The following CAMK4 variants were observed in gnomAD, a reference collection of about 807,000 sequenced individuals.
The protein encoded by CAMK4 is calcium/calmodulin dependent protein kinase IV, also known as calcium/calmodulin-dependent protein kinase type IV.
CAMK4 carries 22 observed loss-of-function variants against 44.9 expected under a neutral mutation model. That is an observed-to-expected ratio of 0.49 (90% CI 0.35 to 0.70). CAMK4 has a LOEUF of 0.70. CAMK4 is among the 30% of genes least tolerant of loss of function. CAMK4 has a pLI of 0.01. For missense variants in CAMK4, 498 were observed against 586.8 expected (o/e 0.85, Z 1.56); for synonymous variants, 218 against 215.4 (o/e 1.01, Z -0.11).
In CAMK4 at chr5:111,459,686, C is replaced by CTTT. The variant is rs56176713; in HGVS notation, c.625+10507_625+10509dup. On this transcript the variant is annotated intron_variant, in intron 7 of 10. Transcript: ENST00000282356. ...TGTTCTCTTTGAGTTTAGAGACAGT[C>CTTT]TTTTTTTTTTTTTTTTTTTTTTTTT... Among the ~76,000 whole-genome samples the CTTT allele has an allele frequency of 1.8e-3, 153 of 86,684 alleles. 16 individuals carry two copies. The highest frequency in any genetic ancestry group is 6.9e-3 in the African/African-American group (139 of 20,120). The allele number at this position is 86,684 out of a possible 152,430, so 56.9% of individuals were successfully genotyped here.
chr5:111,296,523 AATTTGC>A (rs1331620979), intron 1 of CAMK4, among the ~76,000 whole-genome samples: 1 of 152,222 alleles, frequency 6.6e-6, no homozygotes, highest in Non-Finnish European at 1.5e-5. Context: ...CATTTATTTA[AATTTGC>A]ATTTGCATTC....
chr5:111,262,395 A>G (rs182882894), intron 1 of CAMK4, among the ~76,000 whole-genome samples: 23 of 152,272 alleles, frequency 1.5e-4, no homozygotes, highest in African/African-American at 3.8e-4. Flanking sequence ...AGAGGGTACT[A>G]TCTTTCTTGA....
intron 5 of CAMK4, among the ~76,000 whole-genome samples, chr5:111,432,854 C>T (rs1753507423): frequency 6.6e-6 from 1 of 151,854 alleles, no homozygotes; most frequent in Non-Finnish European, 1.5e-5. Flanking sequence ...TTTTTATAAA[C>T]ATTTGTCAAA....
chr5:111,255,167 A>G (rs947345926), intron 1 of CAMK4, among the ~76,000 whole-genome samples: 2 of 152,148 alleles, frequency 1.3e-5, no homozygotes, highest in Admixed American at 6.5e-5. Flanking sequence ...TGAAGGTCTA[A>G]TTTTGTAGTT....
At chr5:111,462,010 T>C (rs1171954599) in intron 7 of CAMK4, among the ~76,000 whole-genome samples, 1 of 152,116 alleles carries the variant, frequency 6.6e-6, no homozygotes, top group African/African-American at 2.4e-5. Context: ...GTCTGGCCTC[T>C]ACCTGCCTCA....
At chr5:111,384,522 C>G (rs1469734168) in intron 4 of CAMK4, among the ~76,000 whole-genome samples, 1 of 152,180 alleles carries the variant, frequency 6.6e-6, no homozygotes, top group Non-Finnish European at 1.5e-5. Context: ...GTCTACTAGG[C>G]TTCTCACCAA....
At position 111,489,076 on chromosome 5, in the gene CAMK4, G is replaced by A. The variant is rs766691964; in HGVS notation, c.*4610G>A. On this transcript the variant is annotated 3_prime_UTR_variant, in exon 11 of 11. Coordinates refer to ENST00000282356, the MANE Select transcript of CAMK4 (RefSeq NM_001744.6). ...GTTGAACATTGTTTAATGGTTAGATGTTATGTGTGTCTGCATTTAAAAAAA... is the reference window on the plus strand; with the variant it reads ...GTTGAACATTGTTTAATGGTTAGATATTATGTGTGTCTGCATTTAAAAAAA... 18 of 152,154 alleles carry A rather than the reference G, an allele frequency of 1.2e-4. No individual in the cohort carries two copies. The highest frequency in any genetic ancestry group is 2.4e-4 in the Non-Finnish European group (16 of 68,024). The allele number at this position is 152,154 out of a possible 1,614,324, so 9.4% of individuals were successfully genotyped here.
chr5:111,387,351 A>C (rs1238586008), intron 4 of CAMK4, among the ~76,000 whole-genome samples: 1 of 152,186 alleles, frequency 6.6e-6, no homozygotes, highest in African/African-American at 2.4e-5. Context: ...AAATTGTATA[A>C]AGAAATTACG....
At chr5:111,251,444 A>G (rs986051903) in intron 1 of CAMK4, among the ~76,000 whole-genome samples, 2 of 152,184 alleles carry the variant, frequency 1.3e-5, no homozygotes, top group African/African-American at 4.8e-5. Flanking sequence ...GAACCTAAAA[A>G]AACTCCAAGA....
intron 1 of CAMK4, among the ~76,000 whole-genome samples, chr5:111,234,825 G>C (rs1280467332): frequency 6.6e-6 from 1 of 152,200 alleles, no homozygotes; most frequent in African/African-American, 2.4e-5. Flanking sequence ...TAATGGATAG[G>C]ACACGTTCTT....
intron 1 of CAMK4, among the ~76,000 whole-genome samples, chr5:111,314,940 CA>C (rs933336580): frequency 1.7e-4 from 26 of 151,768 alleles, no homozygotes; most frequent in Non-Finnish European, 2.7e-4. Flanking sequence ...GATTTGATAT[CA>C]AAAAAAGTAT....
intron 5 of CAMK4, among the ~76,000 whole-genome samples, chr5:111,435,802 T>A (rs1245974371): frequency 1.3e-5 from 2 of 152,222 alleles, no homozygotes; most frequent in African/African-American, 4.8e-5. Flanking sequence ...TCCTAAATTC[T>A]CACCTTTTCT....
chr5:111,452,005 C>T (rs1378345930), intron 7 of CAMK4, among the ~76,000 whole-genome samples: 2 of 152,208 alleles, frequency 1.3e-5, no homozygotes, highest in Admixed American at 1.3e-4. Context: ...TTCTATGTCT[C>T]CTTGTCCATC....
At chr5:111,277,439 A>G (rs1750815523) in intron 1 of CAMK4, 1 of 152,248 alleles carries the variant, frequency 6.6e-6, no homozygotes, top group African/African-American at 2.4e-5. Context: ...GCAATGTTTC[A>G]TTCGGCCAGT....
At chr5:111,320,212 A>G (rs930221899) in intron 1 of CAMK4, among the ~76,000 whole-genome samples, 1 of 152,182 alleles carries the variant, frequency 6.6e-6, no homozygotes, top group Non-Finnish European at 1.5e-5. Context: ...AGAATGAGCA[A>G]GATGGCACAT....
At chr5:111,311,874 T>G (rs1037069630) in intron 1 of CAMK4, among the ~76,000 whole-genome samples, 1 of 152,130 alleles carries the variant, frequency 6.6e-6, no homozygotes, top group Non-Finnish European at 1.5e-5. Context: ...AGTGAGGTGA[T>G]GTTGTGTTGT....
Position 111,484,367 on chromosome 5 carries a change from G to A in CAMK4, c.1323G>A (p.Leu441=). Reference sequence around the variant, plus strand: ...AGGAGGGCCTAGCAGAGGAGAAGCTGAAGACTGTGGAGGAGGCAGCAGCTC... The same window carrying A: ...AGGAGGGCCTAGCAGAGGAGAAGCTAAAGACTGTGGAGGAGGCAGCAGCTC... ...ELEEGLAEEK[L]KTVEEAAAPR... Residue 441 remains leucine (L), a synonymous_variant, in exon 11 of 11, where the codon CTG becomes CTA. Transcript: ENST00000282356. This position sits in a 1 kb window ranked among gnomAD's most constrained non-coding sequence, Gnocchi z 5.3. 1 of 1,608,642 alleles carries A rather than the reference G, an allele frequency of 6.2e-7. No individual in the cohort carries two copies. Among genetic ancestry groups the A allele is most frequent in the Admixed American group, 1.7e-5 (1 of 59,018 alleles).
chr5:111,410,112 G>T (rs953800698), intron 5 of CAMK4, among the ~76,000 whole-genome samples: 1 of 152,132 alleles, frequency 6.6e-6, no homozygotes, highest in Non-Finnish European at 1.5e-5. Flanking sequence ...TTACAGAAGT[G>T]CCCTTCTACC....
chr5:111,443,833 A>G (rs1166109209), intron 5 of CAMK4, among the ~76,000 whole-genome samples: 1 of 152,186 alleles, frequency 6.6e-6, no homozygotes, highest in Non-Finnish European at 1.5e-5. Flanking sequence ...GGGAAAAATC[A>G]ATATGTTCCG....
Sources: allele counts gnomAD v4.1 joint callset (sites outside exome capture counted in the v4.1 genomes callset), GRCh38; gene constraint gnomAD v4.1.1; non-coding constraint Gnocchi (gnomAD v3.1); transcripts MANE v1.5; gene names NCBI Gene and HGNC (gene_info 2026-07-23, HGNC 2026-07-21).